Variants in ADPRS observed in about 807,000 individuals in gnomAD.
The protein encoded by ADPRS is ADP-ribosylhydrolase ARH3.
Under a neutral mutation model 32.1 loss-of-function variants are expected in ADPRS, and 25 were observed. The observed-to-expected ratio is 0.78, with a 90% CI of 0.57 to 1.09. The LOEUF is 1.09. Among genes scored for constraint, ADPRS ranks in the 50% least tolerant of loss-of-function variants. The pLI is 0.00. For missense variants in ADPRS, 482 were observed against 480.6 expected (o/e 1.00, Z -0.03); for synonymous variants, 225 against 201.0 (o/e 1.12, Z -1.01).
chr1:36,093,189 A>G lies in ADPRS; in HGVS notation c.895A>G (p.Asn299Asp), dbSNP rs1424853358. 1.2e-6 allele frequency: 2 copies of G among 1,614,080 alleles called. No homozygotes were observed. Among genetic ancestry groups the G allele is most frequent in the African/African-American group, 1.3e-5 (1 of 74,942 alleles). The change falls in exon 6 of 6, where the codon AAT becomes GAT. Residue 299 changes from asparagine to aspartate, a missense_variant. Transcript: ENST00000373178. ...AGACCCTGAGATCCCTTCTGCCTTC[A>G]ATAGCCTCCAAAGGACTCTCATTTA... ...EPDPEIPSAF[N>D]SLQRTLIYSI... is the part of the protein sequence containing the mutation.
chr1:36,090,566 A>G (rs1018192169), intron 1 of ADPRS, among the ~76,000 whole-genome samples: 1 of 150,314 alleles, frequency 6.7e-6, no homozygotes, highest in African/African-American at 2.4e-5. Context: ...ACTCTGAAAC[A>G]TGAGTAGAGG....
At chr1:36,089,953 G>A (rs1303866044) in intron 1 of ADPRS, among the ~76,000 whole-genome samples, 2 of 144,696 alleles carry the variant, frequency 1.4e-5, no homozygotes, top group Non-Finnish European at 3.0e-5. Flanking sequence ...AGCATAGTAA[G>A]AAGAAAGGGC....
intron 5 of ADPRS, among the ~76,000 whole-genome samples, 191 bp from the exon 6 acceptor site, chr1:36,092,906 T>C (rs1171301675): frequency 6.6e-6 from 1 of 152,190 alleles, no homozygotes; most frequent in East Asian, 1.9e-4. Flanking sequence ...GCAGGAAGCT[T>C]AGCGGTCCCC....
Position 36,093,516 on chromosome 1 carries a change from T to A in ADPRS, c.*130T>A. The A allele has an allele frequency of 8.0e-7, 1 of 1,255,232 alleles. No individual in the cohort carries two copies. Among genetic ancestry groups the A allele is most frequent in the Non-Finnish European group, 1.1e-6 (1 of 916,796 alleles). The allele number at this position is 1,255,232 out of a possible 1,614,324, so 77.8% of individuals were successfully genotyped here. ...TTGTGGAGCTGACTGAGTACACCGG[T>A]GAGGCTGGGGTCTCTGCAGGGGAGG... On this transcript the variant is annotated 3_prime_UTR_variant, in exon 6 of 6. Transcript: ENST00000373178.
In ADPRS at chr1:36,093,457, G is replaced by A. The variant is rs551168109; in HGVS notation, c.*71G>A. ...CTACAGCTCCAATCAGAAACCCTGC[G>A]CTTCCTTGAGTGTGGCTTCCCACTT... is the stretch of plus-strand genomic sequence containing the variant. On this transcript the variant is annotated 3_prime_UTR_variant, in exon 6 of 6. Transcript: ENST00000373178. 1.9e-5 allele frequency: 29 copies of A among 1,537,558 alleles called. No individual in the cohort carries two copies. Among genetic ancestry groups the A allele is most frequent in the South Asian group, 1.1e-4 (9 of 79,682 alleles).
Position 36,093,829 on chromosome 1 carries a change from C to T in ADPRS, c.*443C>T, listed in dbSNP as rs776296872. On this transcript the variant is annotated 3_prime_UTR_variant, in exon 6 of 6. Transcript: ENST00000373178. The stretch of plus-strand genomic sequence containing the variant: ...CAGGTTGTGTGGATGAAGGGACAGG[C>T]ACTTGCATCCAGCTGATCTAGGTCA... 5.4e-5 allele frequency: 9 copies of T among 167,218 alleles called. No homozygotes were observed. The highest frequency in any genetic ancestry group is 1.0e-4 in the Non-Finnish European group (8 of 76,452). The allele number at this position is 167,218 out of a possible 1,614,324, so 10.4% of individuals were successfully genotyped here. A position where few individuals can be genotyped will look rare whatever the true frequency, so the allele number is the denominator to read the frequency against.
At position 36,093,423 on chromosome 1, in the gene ADPRS, T is replaced by C; in HGVS notation, c.*37T>C. ...GCTGTTGGGGCTCTGCCAGGTCCCC[T>C]GGGACCAACTACAGCTCCAATCAGA... On this transcript the variant is annotated 3_prime_UTR_variant, in exon 6 of 6. Transcript: ENST00000373178. 6.3e-7 allele frequency: 1 copy of C among 1,585,606 alleles called. No individual in the cohort carries two copies. Among genetic ancestry groups the C allele is most frequent in the Non-Finnish European group, 8.6e-7 (1 of 1,164,070 alleles).
intron 1 of ADPRS, 34 bp from the exon 2 acceptor site, chr1:36,091,210 C>A: frequency 6.4e-7 from 1 of 1,550,838 alleles, no homozygotes; most frequent in Non-Finnish European, 8.9e-7. Flanking sequence ...CAAAGGTGAG[C>A]AGGAGGCTCT....
At chr1:36,092,598 G>A (rs1414963776) in intron 5 of ADPRS, 76 bp downstream of exon 5, 5 of 1,381,784 alleles carry the variant, frequency 3.6e-6, no homozygotes, top group East Asian at 2.3e-5. Flanking sequence ...GGAGCATGGA[G>A]TCATGCCTGC....
In ADPRS at chr1:36,093,535, G is replaced by C; in HGVS notation, c.*149G>C. 2.8e-6 allele frequency: 3 copies of C among 1,072,102 alleles called. No homozygotes were observed. Among genetic ancestry groups the C allele is most frequent in the Non-Finnish European group, 3.9e-6 (3 of 761,748 alleles). The allele number at this position is 1,072,102 out of a possible 1,614,324, so 66.4% of individuals were successfully genotyped here. On this transcript the variant is annotated 3_prime_UTR_variant, in exon 6 of 6. Transcript: ENST00000373178. Reference sequence around the variant, plus strand: ...CACCGGTGAGGCTGGGGTCTCTGCAGGGGAGGTCACTGGAACAGCGAGCAA... The same window carrying C: ...CACCGGTGAGGCTGGGGTCTCTGCACGGGAGGTCACTGGAACAGCGAGCAA...
rs926230199 is a variant in ADPRS at position 36,093,514 on chromosome 1, G to T, written c.*128G>T. 1.6e-6 allele frequency: 2 copies of T among 1,256,808 alleles called. No homozygotes were observed. The highest frequency in any genetic ancestry group is 3.0e-5 in the South Asian group (2 of 66,948). 77.9% of individuals were successfully genotyped at this position (1,256,808 alleles called of 1,614,324 possible). A position where few individuals can be genotyped will look rare whatever the true frequency, so the allele number is the denominator to read the frequency against. ...CATTGTGGAGCTGACTGAGTACACC[G>T]GTGAGGCTGGGGTCTCTGCAGGGGA... On this transcript the variant is annotated 3_prime_UTR_variant, in exon 6 of 6. Coordinates refer to ENST00000373178, the MANE Select transcript of ADPRS (RefSeq NM_017825.3).
Position 36,088,962 on chromosome 1 carries a change from C to T in ADPRS, c.58C>T (p.Leu20Phe), listed in dbSNP as rs1320487487. Residue 20 changes from leucine (L) to phenylalanine (F), a missense_variant, in exon 1 of 6, where the codon CTC (leucine) becomes TTC (phenylalanine). Coordinates refer to ENST00000373178, the MANE Select transcript of ADPRS (RefSeq NM_017825.3). ...TGGAGGGGCTGGCGCGGCCCGCTCC[C>T]TCTCGCGCTTCCGAGGCTGCCTGGC... ...AGGGAGAARS[L>F]SRFRGCLAGA... 6.7e-7 allele frequency: 1 copy of T among 1,503,388 alleles called. No homozygotes were observed. Among genetic ancestry groups the T allele is most frequent in the Non-Finnish European group, 8.8e-7 (1 of 1,132,084 alleles). 93.1% of individuals were successfully genotyped at this position (1,503,388 alleles called of 1,614,324 possible). A position where few individuals can be genotyped will look rare whatever the true frequency, so the allele number is the denominator to read the frequency against.
At chr1:36,092,570 G>A (rs1425690988) in intron 5 of ADPRS, 48 bp downstream of exon 5, 1 of 1,584,178 alleles carries the variant, frequency 6.3e-7, no homozygotes, top group South Asian at 1.1e-5. Context: ...GTCCTTCAGG[G>A]TCGGTCTTGG....
chr1:36,092,144 G>A (rs746321037), intron 4 of ADPRS, 50 bp downstream of exon 4: 15 of 1,545,784 alleles, frequency 9.7e-6, no homozygotes, highest in South Asian at 4.9e-5. Flanking sequence ...GTGATCCAGG[G>A]GGCCTCTGGC....
Position 36,093,000 on chromosome 1 carries a change from T to C in ADPRS, c.803-97T>C, listed in dbSNP as rs946336776. On this transcript the variant is annotated intron_variant, in intron 5 of 5. Transcript: ENST00000373178. ...TGGTCTAACTGTAGAGCCTGAGATC[T>C]TAGTCACAGCCTGCTTGAAGCCGAG... The C allele has an allele frequency of 2.3e-6, 3 of 1,325,538 alleles. No individual in the cohort carries two copies. In the African/African-American group the frequency reaches 4.4e-5, roughly 19 times the overall value. 82.1% of individuals were successfully genotyped at this position (1,325,538 alleles called of 1,614,324 possible).
At chr1:36,091,523 G>A in intron 2 of ADPRS, 95 bp from the exon 3 acceptor site, 1 of 1,335,286 alleles carries the variant, frequency 7.5e-7, no homozygotes, top group East Asian at 2.3e-5. Flanking sequence ...GGCCCCCGAG[G>A]CTTTCTCTTT....
chr1:36,091,154 G>T, intron 1 of ADPRS, 90 bp from the exon 2 acceptor site: 1 of 1,025,398 alleles, frequency 9.8e-7, no homozygotes. Flanking sequence ...GGGCAACAGA[G>T]CGAGACTCTG....
At chr1:36,091,142 C>A in intron 1 of ADPRS, 102 bp from the exon 2 acceptor site, 1 of 885,910 alleles carries the variant, frequency 1.1e-6, no homozygotes, top group Non-Finnish European at 1.8e-6. Flanking sequence ...GCACTCCAGT[C>A]TGGGCAACAG....
At chr1:36,089,917 G>A (rs535536531) in intron 1 of ADPRS, among the ~76,000 whole-genome samples, 3 of 151,356 alleles carry the variant, frequency 2.0e-5, no homozygotes, top group Admixed American at 1.3e-4. Flanking sequence ...TCAAGCAGAG[G>A]AGGTGAATCT....
Sources: allele counts gnomAD v4.1 joint callset (sites outside exome capture counted in the v4.1 genomes callset), GRCh38; gene constraint gnomAD v4.1.1; transcripts MANE v1.5; gene names NCBI Gene and HGNC (gene_info 2026-07-23, HGNC 2026-07-21).